The following CDH18 variants were observed in gnomAD, a reference collection of about 807,000 sequenced individuals.
CDH18 encodes the protein cadherin 18.
A neutral mutation model predicts 67.9 loss-of-function variants in CDH18; 31 were observed. That is an observed-to-expected ratio of 0.46 (90% CI 0.34 to 0.62). The LOEUF (loss-of-function observed/expected upper bound fraction) is 0.62, where lower values mean the gene tolerates loss of function less well. Ranked by LOEUF, CDH18 falls within the 20% of genes least tolerant of loss-of-function variation. The pLI, the probability that CDH18 is intolerant of heterozygous loss-of-function variation, is 0.01. For missense variants in CDH18, 890 were observed against 975.5 expected, an observed-to-expected ratio of 0.91 and a Z score of 1.17; for synonymous variants, 362 against 347.2, an observed-to-expected ratio of 1.04 and a Z score of -0.48.
At chr5:20,466,103 C>A (rs1212821735) in intron 1 of CDH18, among the ~76,000 whole-genome samples, 1 of 151,968 alleles carries the variant, frequency 6.6e-6, no homozygotes, top group Non-Finnish European at 1.5e-5. Flanking sequence ...TTTCTAATTT[C>A]TAATATATTT....
chr5:19,823,668 T>A (rs1049260822), intron 3 of CDH18, among the ~76,000 whole-genome samples: 8 of 152,168 alleles, frequency 5.3e-5, no homozygotes, highest in Admixed American at 5.2e-4. Context: ...AGACAGATCA[T>A]TAAGGCAGAA....
intron 2 of CDH18, among the ~76,000 whole-genome samples, chr5:19,842,212 G>A (rs992555779): frequency 4.6e-5 from 7 of 152,282 alleles, no homozygotes; most frequent in Non-Finnish European, 5.9e-5. Context: ...GATAAACCGA[G>A]CCCTGACTTT....
intron 2 of CDH18, among the ~76,000 whole-genome samples, chr5:20,209,825 T>C (rs1347407989): frequency 6.6e-6 from 1 of 151,772 alleles, no homozygotes; most frequent in Non-Finnish European, 1.5e-5. Flanking sequence ...TGATTTGATA[T>C]TTACACATTA....
At chr5:20,362,469 T>C (rs1742163341) in intron 1 of CDH18, among the ~76,000 whole-genome samples, 1 of 152,184 alleles carries the variant, frequency 6.6e-6, no homozygotes, top group South Asian at 2.1e-4. Context: ...TAGTCACTTT[T>C]TTTTCTCTGA....
At chr5:20,564,115 G>A (rs961040713) in intron 1 of CDH18, among the ~76,000 whole-genome samples, 26 of 151,534 alleles carry the variant, frequency 1.7e-4, no homozygotes, top group Admixed American at 5.3e-4. Context: ...TTCCACAATC[G>A]GTTCACCTAT....
intron 2 of CDH18, among the ~76,000 whole-genome samples, chr5:20,002,495 A>G (rs183765357): frequency 5.6e-4 from 86 of 152,324 alleles, no homozygotes; most frequent in African/African-American, 1.9e-3. Flanking sequence ...TACTGCAGGC[A>G]ATAACTTATG....
intron 3 of CDH18, among the ~76,000 whole-genome samples, chr5:19,748,051 T>C (rs1219273896): frequency 7.7e-6 from 1 of 130,222 alleles, no homozygotes; most frequent in Non-Finnish European, 1.5e-5. Flanking sequence ...AGGCGGAGCT[T>C]GCAGTGAGCC....
At chr5:20,197,429 A>C (rs1739068766) in intron 2 of CDH18, among the ~76,000 whole-genome samples, 1 of 152,230 alleles carries the variant, frequency 6.6e-6, no homozygotes, top group Non-Finnish European at 1.5e-5. Flanking sequence ...CTAAATATAA[A>C]AATTAAAAAC....
chr5:20,386,202 G>C (rs1407257344), intron 1 of CDH18, among the ~76,000 whole-genome samples: 1 of 152,068 alleles, frequency 6.6e-6, no homozygotes, highest in Non-Finnish European at 1.5e-5. Flanking sequence ...TTCTTTCTTG[G>C]AGCTAGCAGA....
At chr5:19,576,910 G>A (rs565388874) in intron 7 of CDH18, among the ~76,000 whole-genome samples, 31 of 151,566 alleles carry the variant, frequency 2.0e-4, no homozygotes, top group African/African-American at 7.5e-4. Context: ...TATTTAGTCT[G>A]TTACTTAAAA....
chr5:20,161,029 T>A (rs1457451380), intron 2 of CDH18, among the ~76,000 whole-genome samples: 1 of 152,240 alleles, frequency 6.6e-6, no homozygotes, highest in Non-Finnish European at 1.5e-5. Context: ...GTGGCTGCTG[T>A]TGTGTTACAA....
chr5:20,230,593 T>G (rs1301179829), intron 2 of CDH18, among the ~76,000 whole-genome samples: 2 of 152,158 alleles, frequency 1.3e-5, no homozygotes, highest in Non-Finnish European at 2.9e-5. Context: ...TTTTAAAATT[T>G]TCTTACCCAT....
At chr5:19,962,378 C>CAAAAAAAACAAAAAAAA (rs1796999932) in intron 2 of CDH18, among the ~76,000 whole-genome samples, 1 of 51,594 alleles carries the variant, frequency 1.9e-5, no homozygotes, top group Non-Finnish European at 3.3e-5. Flanking sequence ...CGTCAAAAAG[C>CAAAAAAAACAAAAAAAA]AAAAAAAAAA....
chr5:19,722,483 T>A (rs1766236375), intron 4 of CDH18, among the ~76,000 whole-genome samples: 1 of 150,652 alleles, frequency 6.6e-6, no homozygotes, highest in South Asian at 2.1e-4. Context: ...TATTTTGAGG[T>A]AATAAAATTA....
chr5:19,618,594 T>G (rs1405273241), intron 5 of CDH18, among the ~76,000 whole-genome samples: 1 of 152,218 alleles, frequency 6.6e-6, no homozygotes, highest in African/African-American at 2.4e-5. Flanking sequence ...GGACTCCCAG[T>G]GTTTCTCCAA....
intron 1 of CDH18, among the ~76,000 whole-genome samples, chr5:20,403,442 A>G (rs1274095564): frequency 6.6e-6 from 1 of 152,220 alleles, no homozygotes; most frequent in Non-Finnish European, 1.5e-5. Context: ...ATAATAAAAA[A>G]TTGAAAGTTG....
intron 1 of CDH18, among the ~76,000 whole-genome samples, chr5:20,380,773 A>T (rs933964515): frequency 6.6e-6 from 1 of 152,216 alleles, no homozygotes; most frequent in Non-Finnish European, 1.5e-5. Flanking sequence ...AAACAAAATT[A>T]AAAATGGAGT....
At chr5:19,913,140 G>C (rs1191786827) in intron 2 of CDH18, among the ~76,000 whole-genome samples, 1 of 152,092 alleles carries the variant, frequency 6.6e-6, no homozygotes, top group Non-Finnish European at 1.5e-5. Flanking sequence ...GTGTACACTA[G>C]ATACTTTTAT....
At chr5:20,561,221 T>A (rs1244940075) in intron 1 of CDH18, among the ~76,000 whole-genome samples, 2 of 152,056 alleles carry the variant, frequency 1.3e-5, no homozygotes, top group South Asian at 2.1e-4. Context: ...ACTAAGCAAA[T>A]CTTACCTTGC....
Sources: gnomAD v4.1 joint callset for allele counts (sites outside exome capture counted in the v4.1 genomes callset) on GRCh38, gnomAD v4.1.1 for gene constraint, MANE v1.5 for transcripts, NCBI Gene and HGNC (gene_info 2026-07-23, HGNC 2026-07-21) for gene names.